The following IDE variants were observed in gnomAD, a reference collection of about 807,000 sequenced individuals.
IDE encodes insulin-degrading enzyme.
A neutral mutation model predicts 133.2 loss-of-function variants in IDE; 58 were observed. That is an observed-to-expected ratio of 0.44 (90% CI 0.35 to 0.54). IDE has a LOEUF of 0.54. Among genes scored for constraint, IDE ranks in the 20% least tolerant of loss-of-function variants. The pLI is 0.00. For missense variants in IDE, 981 were observed against 1,234.0 expected (o/e 0.79, Z 3.07); for synonymous variants, 396 against 421.3 (o/e 0.94, Z 0.73).
At chr10:92,567,904 A>G (rs1270520354) in intron 1 of IDE, among the ~76,000 whole-genome samples, 1 of 152,170 alleles carries the variant, frequency 6.6e-6, no homozygotes. Flanking sequence ...CCAGGAGTTC[A>G]TGGCTGCAGT....
rs759762324 is a variant in IDE, at chr10:92,510,112, C to T, written c.835G>A (p.Glu279Lys). 6.2e-7 allele frequency: 1 copy of T among 1,605,896 alleles called. No homozygotes were observed. Among genetic ancestry groups the T allele is most frequent in the South Asian group, 1.1e-5 (1 of 90,434 alleles). ...NLVVKLFSEV[E>K]NKNVPLPEFP... is the part of the protein sequence containing the mutation. The stretch of plus-strand genomic sequence containing the variant: ...TCTGGCAATGGAACATTTTTGTTCT[C>T]TACTTCAGAAAATAACTTTACCACC... Residue 279 changes from glutamate (E) to lysine (K), a missense_variant, in exon 6 of 25, where the codon GAG (glutamate) becomes AAG (lysine). By Grantham distance (56) the Glu-to-Lys change is moderately conservative. Coordinates refer to ENST00000265986, the MANE Select transcript of IDE (RefSeq NM_004969.4).
rs375099396 is a variant in IDE at position 92,514,217 on chromosome 10, A to G, written c.784+703T>C. 2.6e-5 allele frequency among the ~76,000 whole-genome samples: 4 copies of G among 152,194 alleles called. No individual in the cohort carries two copies. The East Asian group carries it at 5.8e-4, about 22-fold the overall frequency. ...AAAGACTAGAGCAATTGATACCATC[A>G]TTACCAATATAAAAAAGCAACACCA... On this transcript the variant is annotated intron_variant, in intron 5 of 24. Coordinates refer to ENST00000265986, the MANE Select transcript of IDE (RefSeq NM_004969.4).
rs1843928962 is a variant in IDE at position 92,573,956 on chromosome 10, C to G, written c.64G>C (p.Gly22Arg). The change falls in exon 1 of 25, where the codon GGC (glycine) becomes CGC (arginine). Residue 22 changes from glycine to arginine, a missense_variant. Physicochemically the swap from Gly to Arg is moderately radical, Grantham distance 125 (BLOSUM62 -2). Around this residue, in one of 2 missense-constraint regions of IDE, gnomAD observed 321 missense variants for 339.3 expected, o/e 0.95. Coordinates refer to ENST00000265986, the MANE Select transcript of IDE (RefSeq NM_004969.4). ...ALPSTFRSVL[G>R]ARLPPPERLC... ...CGCTCCGGAGGCGGCAGGCGGGCGC[C>G]GAGGACTGAGCGGAAGGTGCTGGGC... is the stretch of plus-strand genomic sequence containing the variant. 3 of 1,483,008 alleles carry G rather than the reference C, an allele frequency of 2.0e-6. No individual in the cohort carries two copies. Among genetic ancestry groups the G allele is most frequent in the African/African-American group, 1.5e-5 (1 of 67,768 alleles). The allele number at this position is 1,483,008 out of a possible 1,614,324, so 91.9% of individuals were successfully genotyped here.
intron 1 of IDE, among the ~76,000 whole-genome samples, chr10:92,550,911 C>T (rs528325634): frequency 6.6e-6 from 1 of 152,012 alleles, no homozygotes; most frequent in South Asian, 2.1e-4. Flanking sequence ...ATAATAAGTG[C>T]AGGTGAGGAT....
Position 92,461,209 on chromosome 10 carries a change from A to C in IDE, c.2805T>G (p.Asp935Glu), listed in dbSNP as rs749319197. ...GACTTACCTTGTAGAATTTGATGAT[A>C]TCTTCCTTGGTAAGTGTCTTTAAAT... The part of the protein sequence containing the change: ...VAYLKTLTKE[D>E]IIKFYKEMLA... Residue 935 changes from aspartate (D) to glutamate (E), a missense_variant, in exon 22 of 25, where the codon GAT becomes GAG. Around this residue, in one of 2 missense-constraint regions of IDE, gnomAD observed 660 missense variants for 894.7 expected, o/e 0.74. Coordinates refer to ENST00000265986, the MANE Select transcript of IDE (RefSeq NM_004969.4). 2.4e-5 allele frequency: 34 copies of C among 1,439,558 alleles called. No homozygotes were observed. The highest frequency in any genetic ancestry group is 1.7e-4 in the Middle Eastern group (1 of 5,722). 89.2% of individuals were successfully genotyped at this position (1,439,558 alleles called of 1,614,324 possible).
intron 12 of IDE, 33 bp downstream of exon 12, chr10:92,490,460 T>C (rs763934368): frequency 2.3e-6 from 3 of 1,299,202 alleles, no homozygotes; most frequent in South Asian, 1.2e-5. Context: ...ATTCCTCACA[T>C]GTCAGGCTTA....
intron 11 of IDE, among the ~76,000 whole-genome samples, chr10:92,491,706 G>T (rs1298662082): frequency 6.6e-6 from 1 of 152,024 alleles, no homozygotes; most frequent in Non-Finnish European, 1.5e-5. Context: ...TGCCTCCTGG[G>T]TTCAAGCAAT....
At chr10:92,480,140 A>G (rs1056389739) in intron 14 of IDE, among the ~76,000 whole-genome samples, 18 of 152,374 alleles carry the variant, frequency 1.2e-4, no homozygotes, top group African/African-American at 4.3e-4. Context: ...CCCAGATAAG[A>G]AACATAATTT....
chr10:92,509,939 A>AAC (rs1564634450), intron 6 of IDE, 111 bp downstream of exon 6: 12 of 548,260 alleles, frequency 2.2e-5, no homozygotes, highest in African/African-American at 1.9e-5. Context: ...AAAAAAAAAA[A>AAC]CACAACATAA....
intron 4 of IDE, among the ~76,000 whole-genome samples, chr10:92,529,858 C>T (rs1849820237): frequency 6.6e-6 from 1 of 152,136 alleles, no homozygotes; most frequent in Admixed American, 6.6e-5. Context: ...AAGGCAACTC[C>T]CAAAGAGGAG....
chr10:92,521,022 T>C (rs1849195571), intron 4 of IDE, among the ~76,000 whole-genome samples: 2 of 152,188 alleles, frequency 1.3e-5, no homozygotes, highest in African/African-American at 4.8e-5. Context: ...AACCAATTCA[T>C]TATTTTGAAA....
At chr10:92,557,256 G>T (rs1017549083) in intron 1 of IDE, among the ~76,000 whole-genome samples, 14 of 152,146 alleles carry the variant, frequency 9.2e-5, no homozygotes, top group African/African-American at 3.4e-4. Context: ...AGATTAATGG[G>T]CCAGGCACGG....
chr10:92,470,547 A>T (rs1845912019), intron 17 of IDE, among the ~76,000 whole-genome samples: 1 of 152,226 alleles, frequency 6.6e-6, no homozygotes, highest in Non-Finnish European at 1.5e-5. Flanking sequence ...ACTAAAGTAC[A>T]GACTTTATTT....
chr10:92,569,778 T>C (rs1204865481), intron 1 of IDE, among the ~76,000 whole-genome samples: 1 of 152,188 alleles, frequency 6.6e-6, no homozygotes, highest in Non-Finnish European at 1.5e-5. Context: ...AGGCAGAGTG[T>C]GATGCCTTCC....
At chr10:92,505,052 G>A (rs185497308) in intron 10 of IDE, among the ~76,000 whole-genome samples, 155 bp from the exon 11 acceptor site, 38 of 152,078 alleles carry the variant, frequency 2.5e-4, no homozygotes, top group African/African-American at 7.0e-4. Context: ...GCCCTAAATC[G>A]TTGTCTCTTT....
At chr10:92,459,435 T>C (rs756048269) in intron 22 of IDE, among the ~76,000 whole-genome samples, 2 of 152,190 alleles carry the variant, frequency 1.3e-5, no homozygotes, top group Non-Finnish European at 2.9e-5. Flanking sequence ...GTAGCTATAG[T>C]ACATCCCTAG....
intron 10 of IDE, among the ~76,000 whole-genome samples, chr10:92,506,015 G>C (rs1402285956): frequency 6.6e-6 from 1 of 152,116 alleles, no homozygotes; most frequent in African/African-American, 2.4e-5. Flanking sequence ...AAGATCACGA[G>C]CCTGGAAAAA....
At chr10:92,560,390 T>C (rs1843218976) in intron 1 of IDE, among the ~76,000 whole-genome samples, 1 of 152,180 alleles carries the variant, frequency 6.6e-6, no homozygotes, top group Admixed American at 6.6e-5. Context: ...CTTCCCTACC[T>C]TGTTACATTA....
chr10:92,459,163 T>A (rs966578256), intron 22 of IDE, among the ~76,000 whole-genome samples: 3 of 152,200 alleles, frequency 2.0e-5, no homozygotes, highest in Non-Finnish European at 4.4e-5. Context: ...CATACAGCCT[T>A]AATAATTTTG....
Sources: gnomAD v4.1 joint callset for allele counts (sites outside exome capture counted in the v4.1 genomes callset) on GRCh38, gnomAD v4.1.1 for gene constraint, gnomAD v4.1.1 regional missense constraint, MANE v1.5 for transcripts, NCBI Gene and HGNC (gene_info 2026-07-23, HGNC 2026-07-21) for gene names.